Variants in NEDD4 observed in about 807,000 individuals in gnomAD.
NEDD4 encodes the protein NEDD4 E3 ubiquitin protein ligase.
In NEDD4, 99 loss-of-function variants were observed where a neutral mutation model predicts 144.9. That is an observed-to-expected ratio of 0.68 (90% CI 0.58 to 0.81). The LOEUF is 0.81. Ranked by LOEUF, NEDD4 falls within the 30% of genes least tolerant of loss-of-function variation. The pLI, the probability that NEDD4 is intolerant of heterozygous loss-of-function variation, is 0.00. For synonymous variants in NEDD4, 318 were observed against 350.6 expected, an observed-to-expected ratio of 0.91 and a Z score of 1.04; for missense variants, 985 against 1,065.9, an observed-to-expected ratio of 0.92 and a Z score of 1.06.
chr15:55,983,247 T>C (rs1355265685), intron 1 of NEDD4, among the ~76,000 whole-genome samples: 1 of 150,760 alleles, frequency 6.6e-6, no homozygotes, highest in Non-Finnish European at 1.5e-5. Context: ...GAGGAACAAA[T>C]ATTAACTATG....
chr15:55,972,790 C>T (rs1443469082), intron 1 of NEDD4, among the ~76,000 whole-genome samples: 4 of 152,058 alleles, frequency 2.6e-5, no homozygotes, highest in Admixed American at 6.6e-5. Flanking sequence ...AATAAAGGCA[C>T]ACAGAAAATA....
chr15:55,993,073 A>G (rs148350620), intron 1 of NEDD4, among the ~76,000 whole-genome samples: 1 of 152,234 alleles, frequency 6.6e-6, no homozygotes, highest in Admixed American at 6.5e-5. Flanking sequence ...CGAAGTCCGT[A>G]AAGTTAAGTC....
intron 4 of NEDD4, among the ~76,000 whole-genome samples, chr15:55,926,463 G>A (rs1376319366): frequency 5.9e-5 from 9 of 152,102 alleles, no homozygotes; most frequent in African/African-American, 2.2e-4. Context: ...TAGACAACAT[G>A]GGGAGGGAAA....
chr15:55,936,686 A>T (rs2036895461), intron 4 of NEDD4, among the ~76,000 whole-genome samples: 1 of 152,218 alleles, frequency 6.6e-6, no homozygotes, highest in African/African-American at 2.4e-5. Flanking sequence ...GCCCAAGCAC[A>T]ATTCTTATGC....
chr15:55,917,687 A>C (rs1403076805), intron 5 of NEDD4, among the ~76,000 whole-genome samples: 1 of 152,148 alleles, frequency 6.6e-6, no homozygotes, highest in African/African-American at 2.4e-5. Flanking sequence ...GTTTAAGAGA[A>C]GCTGTCACTA....
intron 5 of NEDD4, among the ~76,000 whole-genome samples, chr15:55,923,233 A>G (rs1250989008): frequency 2.6e-5 from 4 of 152,144 alleles, no homozygotes; most frequent in African/African-American, 7.2e-5. Context: ...TTCAGAGGGG[A>G]AAAAAAGGAA....
At chr15:55,911,821 C>T (rs1247747729) in intron 5 of NEDD4, among the ~76,000 whole-genome samples, 1 of 152,154 alleles carries the variant, frequency 6.6e-6, no homozygotes, top group Non-Finnish European at 1.5e-5. Context: ...AGCCACCGCG[C>T]CCGGCCTAGA....
chr15:55,948,870 G>A (rs1279407067), intron 4 of NEDD4, among the ~76,000 whole-genome samples: 1 of 152,034 alleles, frequency 6.6e-6, no homozygotes, highest in East Asian at 1.9e-4. Context: ...AACCCAGGCA[G>A]TACCATTCAG....
chr15:55,909,026 C>T (rs2036187901), intron 5 of NEDD4, among the ~76,000 whole-genome samples: 2 of 152,124 alleles, frequency 1.3e-5, no homozygotes, highest in Non-Finnish European at 2.9e-5. Context: ...TCATCAATAT[C>T]TTGCTTGGGT....
At chr15:55,919,540 G>A (rs1319294803) in intron 5 of NEDD4, among the ~76,000 whole-genome samples, 1 of 152,144 alleles carries the variant, frequency 6.6e-6, no homozygotes, top group Non-Finnish European at 1.5e-5. Flanking sequence ...TATTATAGCA[G>A]TTACATGGGA....
intron 5 of NEDD4, chr15:55,917,109 T>C: frequency 8.5e-7 from 1 of 1,170,570 alleles, no homozygotes; most frequent in South Asian, 3.4e-5. Context: ...TCCAGCGACC[T>C]TTAAGCTGAG....
Position 55,966,392 on chromosome 15 carries a change from T to C in NEDD4, c.119+81A>G, listed in dbSNP as rs2037513373. 3.7e-6 allele frequency: 3 copies of C among 820,396 alleles called. No individual in the cohort carries two copies. The Admixed American group carries it at 9.0e-5, about 25-fold the overall frequency. 50.8% of individuals were successfully genotyped at this position (820,396 alleles called of 1,614,324 possible). A position where few individuals can be genotyped will look rare whatever the true frequency, so the allele number is the denominator to read the frequency against. Reference sequence around the variant, plus strand: ...ACAACAATTTACTAATACTATTTGATTTCTAATTTAACCAAAGTTTGGAAA... The same window carrying C: ...ACAACAATTTACTAATACTATTTGACTTCTAATTTAACCAAAGTTTGGAAA... On this transcript the variant is annotated intron_variant, in intron 2 of 28. Transcript: ENST00000435532.
intron 5 of NEDD4, among the ~76,000 whole-genome samples, chr15:55,875,107 A>C (rs181577594): frequency 0.032 from 4,918 of 152,068 alleles, 107 homozygotes; most frequent in Non-Finnish European, 0.05. Context: ...AAAAAAAAAA[A>C]CCCAGTAGGA....
chr15:55,923,013 G>A (rs923630835), intron 5 of NEDD4, among the ~76,000 whole-genome samples: 19 of 149,794 alleles, frequency 1.3e-4, no homozygotes, highest in East Asian at 4.0e-4. Context: ...GTGAAACCCC[G>A]TCTCTACTAA....
At chr15:55,863,148 G>T in intron 8 of NEDD4, 69 bp from the exon 9 acceptor site, 1 of 1,305,868 alleles carries the variant, frequency 7.7e-7, no homozygotes, top group Non-Finnish European at 1.0e-6. Context: ...ATATGCTAAA[G>T]GAAATTTAAA....
rs2035229533 is a variant in NEDD4, at chr15:55,882,491, G to A, written c.292-8483C>T. ...GGCATTTAGATCAGCCAGAGCCGGTGGAGAATTGTCCATCCTAGTGGTTGG... is the reference window on the plus strand; with the variant it reads ...GGCATTTAGATCAGCCAGAGCCGGTAGAGAATTGTCCATCCTAGTGGTTGG... On this transcript the variant is annotated intron_variant, in intron 5 of 28. Coordinates refer to ENST00000435532, the MANE Select transcript of NEDD4 (RefSeq NM_006154.4). Among the ~76,000 whole-genome samples the A allele has an allele frequency of 2.0e-5, 3 of 152,212 alleles. No homozygotes were observed. In the South Asian group the frequency reaches 6.2e-4, roughly 32 times the overall value.
intron 8 of NEDD4, among the ~76,000 whole-genome samples, chr15:55,865,567 C>T (rs1394927575): frequency 6.6e-6 from 1 of 150,984 alleles, no homozygotes; most frequent in Non-Finnish European, 1.5e-5. Context: ...AAAAAAAGAC[C>T]AAATGACAAA....
chr15:55,941,721 A>T (rs2037008535), intron 4 of NEDD4, among the ~76,000 whole-genome samples: 1 of 151,886 alleles, frequency 6.6e-6, no homozygotes, highest in East Asian at 1.9e-4. Context: ...GCACCATCAC[A>T]CCCAGCTACT....
intron 24 of NEDD4, among the ~76,000 whole-genome samples, chr15:55,835,439 T>TTTTC (rs1555392050): frequency 3.5e-5 from 5 of 142,858 alleles, no homozygotes; most frequent in Admixed American, 1.4e-4. Flanking sequence ...TTTTTTTTTT[T>TTTTC]CCCATGCCCT....
Sources: allele counts gnomAD v4.1 joint callset (sites outside exome capture counted in the v4.1 genomes callset), GRCh38; gene constraint gnomAD v4.1.1; transcripts MANE v1.5; gene names NCBI Gene and HGNC (gene_info 2026-07-23, HGNC 2026-07-21).